The following TGFA variants were observed in gnomAD, a reference collection of about 807,000 sequenced individuals.
The protein encoded by TGFA is protransforming growth factor alpha.
Under a neutral mutation model 21.7 loss-of-function variants are expected in TGFA, and 12 were observed. The observed-to-expected ratio is 0.55, with a 90% confidence interval of 0.35 to 0.90. The LOEUF (loss-of-function observed/expected upper bound fraction) is 0.90. Ranked by LOEUF, TGFA falls within the 40% of genes least tolerant of loss-of-function variation. The pLI is 0.01. For missense variants in TGFA, 178 were observed against 210.8 expected, an observed-to-expected ratio of 0.84 and a Z score of 0.96; for synonymous variants, 79 against 88.1, an observed-to-expected ratio of 0.90 and a Z score of 0.58.
chr2:70,497,162 C>T (rs555711417), intron 2 of TGFA, among the ~76,000 whole-genome samples: 3 of 152,258 alleles, frequency 2.0e-5, no homozygotes, highest in African/African-American at 7.2e-5. Context: ...GGAAGAAAGA[C>T]GTATGAGCTA....
chr2:70,548,546 C>T lies in TGFA; in HGVS notation c.40+5182G>A, dbSNP rs375399428. Among the ~76,000 whole-genome samples, 9 of 152,122 alleles carry T rather than the reference C, an allele frequency of 5.9e-5. No homozygotes were observed. The South Asian group carries it at 1.7e-3, about 28-fold the overall frequency. On this transcript the variant is annotated intron_variant, in intron 1 of 5. Coordinates refer to ENST00000295400, the MANE Select transcript of TGFA (RefSeq NM_003236.4). Reference sequence around the variant, plus strand: ...GGTACAAATGCGAAGGTGAAGAAAACGGAAAGCCTTTCACAGTAAGGGAAC... The same window carrying T: ...GGTACAAATGCGAAGGTGAAGAAAATGGAAAGCCTTTCACAGTAAGGGAAC...
At position 70,465,393 on chromosome 2, in the gene TGFA, G is replaced by A. The variant is rs11466248; in HGVS notation, c.215+223C>T. 2.6e-3 allele frequency among the ~76,000 whole-genome samples: 394 copies of A among 152,236 alleles called. 2 individuals are homozygous for A. Among genetic ancestry groups the A allele is most frequent in the African/African-American group, 9.1e-3 (376 of 41,546 alleles). The stretch of plus-strand genomic sequence containing the variant: ...GCAGGGCCCCAGGCTTGAACTTCCC[G>A]GGGTTCTGCCTCAGTGGCTGTGGGC... On this transcript the variant is annotated intron_variant, in intron 3 of 5. Transcript: ENST00000295400.
chr2:70,535,112 C>T (rs1385524377), intron 1 of TGFA, among the ~76,000 whole-genome samples: 1 of 152,016 alleles, frequency 6.6e-6, no homozygotes, highest in Non-Finnish European at 1.5e-5. Flanking sequence ...GGAGTTTGTA[C>T]AATATGTAAG....
intron 2 of TGFA, among the ~76,000 whole-genome samples, chr2:70,511,737 T>C (rs1553500955): frequency 6.6e-6 from 1 of 152,054 alleles, no homozygotes; most frequent in Non-Finnish European, 1.5e-5. Context: ...ATTAGAAAGA[T>C]AGGGAGAATA....
intron 2 of TGFA, among the ~76,000 whole-genome samples, chr2:70,505,641 A>G (rs1271260639): frequency 1.3e-5 from 2 of 152,146 alleles, no homozygotes; most frequent in Non-Finnish European, 2.9e-5. Flanking sequence ...AGACCCTAAA[A>G]GAGGGATTCC....
chr2:70,504,385 G>A (rs1356688784), intron 2 of TGFA, among the ~76,000 whole-genome samples: 6 of 146,896 alleles, frequency 4.1e-5, no homozygotes, highest in African/African-American at 1.5e-4. Context: ...ACTCCAGCCT[G>A]GGCAACAGAG....
intron 1 of TGFA, among the ~76,000 whole-genome samples, chr2:70,544,698 T>C (rs1553505616): frequency 6.6e-6 from 1 of 152,178 alleles, no homozygotes; most frequent in Non-Finnish European, 1.5e-5. Flanking sequence ...TACCAAATAA[T>C]GGAACCAAAC....
intron 1 of TGFA, among the ~76,000 whole-genome samples, chr2:70,552,175 A>G (rs1400913942): frequency 1.3e-5 from 2 of 148,310 alleles, no homozygotes; most frequent in African/African-American, 2.5e-5. Context: ...TGGTCCAGTT[A>G]CTTACTGTGG....
At chr2:70,523,666 GGGTATAAGATCA>G (rs1455897747) in intron 1 of TGFA, among the ~76,000 whole-genome samples, 4 of 152,268 alleles carry the variant, frequency 2.6e-5, no homozygotes, top group African/African-American at 9.6e-5. Flanking sequence ...GCACTGGGCT[GGGTATAAGATCA>G]GGTCACTCAC....
chr2:70,486,293 G>C (rs1671269463), intron 2 of TGFA, among the ~76,000 whole-genome samples: 1 of 152,102 alleles, frequency 6.6e-6, no homozygotes, highest in Non-Finnish European at 1.5e-5. Flanking sequence ...ACAAAGGCAG[G>C]ATATTTTGCC....
chr2:70,500,049 C>T (rs1433987998), intron 2 of TGFA, among the ~76,000 whole-genome samples: 3 of 152,228 alleles, frequency 2.0e-5, no homozygotes, highest in Non-Finnish European at 2.9e-5. Context: ...AAACATTTAT[C>T]GATAAGATAT....
At chr2:70,481,116 A>G (rs1331610952) in intron 2 of TGFA, among the ~76,000 whole-genome samples, 1 of 152,194 alleles carries the variant, frequency 6.6e-6, no homozygotes, top group African/African-American at 2.4e-5. Flanking sequence ...ACTAAAAGAA[A>G]TGAAGCCCTA....
intron 1 of TGFA, among the ~76,000 whole-genome samples, chr2:70,534,727 C>T (rs936217229): frequency 2.0e-5 from 3 of 152,108 alleles, no homozygotes; most frequent in African/African-American, 4.8e-5. Context: ...CTGGGAAGGG[C>T]AGTATTTCTT....
At chr2:70,529,412 C>T (rs2103898549) in intron 1 of TGFA, among the ~76,000 whole-genome samples, 1 of 152,314 alleles carries the variant, frequency 6.6e-6, no homozygotes, top group Non-Finnish European at 1.5e-5. Context: ...GATGACAGTT[C>T]TCCAACAAAT....
rs535325522 is a variant in TGFA at position 70,481,216 on chromosome 2, G to C, written c.95-15480C>G. 1.6e-4 allele frequency among the ~76,000 whole-genome samples: 25 copies of C among 152,248 alleles called. No individual in the cohort carries two copies. In the South Asian group the frequency reaches 5.2e-3, roughly 32 times the overall value. On this transcript the variant is annotated intron_variant, in intron 2 of 5. Coordinates refer to ENST00000295400, the MANE Select transcript of TGFA (RefSeq NM_003236.4). The stretch of plus-strand genomic sequence containing the variant: ...CACAGCTAACTTTCTACCCAGTCAG[G>C]GTTCTGCATATGGTGTCCCTGGGAG...
chr2:70,516,876 C>A (rs199690423), intron 1 of TGFA, among the ~76,000 whole-genome samples: 1 of 152,042 alleles, frequency 6.6e-6, no homozygotes, highest in South Asian at 2.1e-4. Context: ...CAAACTGCCC[C>A]GAACTAAAGA....
intron 3 of TGFA, among the ~76,000 whole-genome samples, chr2:70,463,136 G>A (rs782083947): frequency 9.2e-5 from 14 of 152,086 alleles, no homozygotes; most frequent in Non-Finnish European, 1.8e-4. Context: ...GGGACTCTGG[G>A]CAAGTTGCTC....
At chr2:70,494,144 C>G (rs966383112) in intron 2 of TGFA, among the ~76,000 whole-genome samples, 5 of 152,136 alleles carry the variant, frequency 3.3e-5, no homozygotes, top group African/African-American at 9.7e-5. Flanking sequence ...CTGCATCACT[C>G]CAAGCTCTGC....
At chr2:70,468,858 G>A (rs1670652466) in intron 2 of TGFA, among the ~76,000 whole-genome samples, 1 of 152,100 alleles carries the variant, frequency 6.6e-6, no homozygotes, top group Non-Finnish European at 1.5e-5. Context: ...ATATTACAAT[G>A]TAATAATAAT....
Sources: gnomAD v4.1 joint callset for allele counts (sites outside exome capture counted in the v4.1 genomes callset) on GRCh38, gnomAD v4.1.1 for gene constraint, MANE v1.5 for transcripts, NCBI Gene and HGNC (gene_info 2026-07-23, HGNC 2026-07-21) for gene names.